KIF26B: variants seen among roughly 807,000 people sequenced by gnomAD.
KIF26B encodes kinesin-like protein KIF26B.
KIF26B carries 63 observed loss-of-function variants against 151.2 expected under a neutral mutation model. That is an observed-to-expected ratio of 0.42 (90% confidence interval 0.34 to 0.51). The LOEUF is 0.51. KIF26B is among the 20% of genes least tolerant of loss of function. KIF26B has a pLI of 0.07. For missense variants in KIF26B, 2,813 were observed against 2,913.6 expected, an observed-to-expected ratio of 0.97 and a Z score of 0.79; for synonymous variants, 1,357 against 1,262.1, an observed-to-expected ratio of 1.08 and a Z score of -1.59.
intron 4 of KIF26B, among the ~76,000 whole-genome samples, chr1:245,530,067 A>T (rs997508571): frequency 6.6e-6 from 1 of 152,234 alleles, no homozygotes; most frequent in African/African-American, 2.4e-5. Flanking sequence ...AGACAGGTAC[A>T]TGAAAAGGTG....
intron 4 of KIF26B, among the ~76,000 whole-genome samples, chr1:245,457,218 T>C (rs1241045725): frequency 2.0e-5 from 3 of 152,200 alleles, no homozygotes; most frequent in Admixed American, 6.5e-5. Context: ...ATAATTGATG[T>C]ACAGTGTTGG....
intron 4 of KIF26B, among the ~76,000 whole-genome samples, chr1:245,445,677 G>T (rs780884127): frequency 1.3e-5 from 2 of 152,170 alleles, no homozygotes; most frequent in Admixed American, 6.5e-5. Flanking sequence ...CCCTCCAGAA[G>T]AATCTAAATG....
intron 2 of KIF26B, among the ~76,000 whole-genome samples, chr1:245,260,574 C>T (rs779687266): frequency 1.3e-5 from 2 of 152,212 alleles, no homozygotes; most frequent in Non-Finnish European, 2.9e-5. Flanking sequence ...ATAGGATTAA[C>T]AACTTTGGAG....
At chr1:245,270,421 T>C (rs1175499212) in intron 2 of KIF26B, among the ~76,000 whole-genome samples, 1 of 151,300 alleles carries the variant, frequency 6.6e-6, no homozygotes, top group African/African-American at 2.4e-5. Flanking sequence ...CCTTTCCCTT[T>C]CCTTTCCTTT....
At chr1:245,582,212 G>A (rs780313120) in intron 5 of KIF26B, among the ~76,000 whole-genome samples, 14 of 152,208 alleles carry the variant, frequency 9.2e-5, no homozygotes, top group Non-Finnish European at 1.9e-4. Context: ...TACACGAGCT[G>A]TGAATTTACC....
intron 2 of KIF26B, among the ~76,000 whole-genome samples, chr1:245,204,231 A>G (rs992843707): frequency 6.6e-6 from 1 of 152,182 alleles, no homozygotes; most frequent in Non-Finnish European, 1.5e-5. Flanking sequence ...ACAAATGAAA[A>G]CGGCACTGGG....
chr1:245,316,367 G>T (rs1018798705), intron 2 of KIF26B, among the ~76,000 whole-genome samples: 1 of 151,868 alleles, frequency 6.6e-6, no homozygotes, highest in Non-Finnish European at 1.5e-5. Flanking sequence ...CAGGTGATCC[G>T]CCTGCCTCGG....
rs757659300 is a variant in KIF26B, at chr1:245,687,993, C to T, written c.5010C>T (p.Gly1670=). The T allele has an allele frequency of 3.1e-5, 49 of 1,572,082 alleles. No homozygotes were observed. The South Asian group carries it at 4.7e-4, about 15-fold the overall frequency. The change falls in exon 12 of 15, where the codon GGC becomes GGT. Residue 1670 remains glycine, a synonymous_variant. Transcript: ENST00000407071. The surrounding 1 kb of genome is among the most constrained non-coding windows in gnomAD (Gnocchi z 4.9). ...TGGCCAGCAGAAGCAACTCGCTGGG[C>T]AGGGCGACAGTCAGCCACTACGAAT... ...EQLASRSNSL[G]RATVSHYECL...
rs113641701 is a variant in KIF26B, at chr1:245,540,525, C to T, written c.1167-242C>T. On this transcript the variant is annotated intron_variant, in intron 4 of 14. Coordinates refer to ENST00000407071, the MANE Select transcript of KIF26B (RefSeq NM_018012.4). This position sits in a 1 kb window ranked among gnomAD's most constrained non-coding sequence, Gnocchi z 4.6. ...GGATAACACATCATTCTTTGTAAAT[C>T]GTGATTGCAGAATCCTGCTATTTTA... 8 of 687,910 alleles carry T rather than the reference C, an allele frequency of 1.2e-5. No homozygotes were observed. Among genetic ancestry groups the T allele is most frequent in the South Asian group, 3.0e-5 (2 of 66,666 alleles). The allele number at this position is 687,910 out of a possible 1,614,324, so 42.6% of individuals were successfully genotyped here. A position where few individuals can be genotyped will look rare whatever the true frequency, so the allele number is the denominator to read the frequency against.
chr1:245,573,338 A>G (rs2043083738), intron 5 of KIF26B, among the ~76,000 whole-genome samples: 1 of 152,180 alleles, frequency 6.6e-6, no homozygotes, highest in South Asian at 2.1e-4. Flanking sequence ...CTTGCCCAAC[A>G]TGACGAAACC....
chr1:245,632,488 T>A (rs1291913341), intron 9 of KIF26B, among the ~76,000 whole-genome samples: 1 of 152,240 alleles, frequency 6.6e-6, no homozygotes, highest in Non-Finnish European at 1.5e-5. Flanking sequence ...AGGTTGTGTA[T>A]TTTGCAGCAC....
At chr1:245,222,756 A>G (rs1480524361) in intron 2 of KIF26B, among the ~76,000 whole-genome samples, 1 of 152,240 alleles carries the variant, frequency 6.6e-6, no homozygotes, top group African/African-American at 2.4e-5. Flanking sequence ...TTTAAAAACA[A>G]TACCCCCAAA....
intron 4 of KIF26B, among the ~76,000 whole-genome samples, chr1:245,514,356 G>A (rs972451994): frequency 2.7e-4 from 41 of 151,884 alleles, no homozygotes; most frequent in African/African-American, 8.9e-4. Context: ...GCAAAACCCC[G>A]TCTCTACTAA....
chr1:245,663,242 T>C (rs1204100278), intron 10 of KIF26B, among the ~76,000 whole-genome samples: 1 of 150,740 alleles, frequency 6.6e-6, no homozygotes, highest in African/African-American at 2.4e-5. Flanking sequence ...CAGACATGAC[T>C]TTCCTCTGCT....
intron 2 of KIF26B, among the ~76,000 whole-genome samples, chr1:245,333,953 C>T (rs1416793504): frequency 3.3e-5 from 5 of 151,744 alleles, no homozygotes; most frequent in South Asian, 2.1e-4. Flanking sequence ...AGCTGAGATC[C>T]GCACCACTGC....
In KIF26B at chr1:245,591,595, C is replaced by T. The variant is rs150757800; in HGVS notation, c.1351-10982C>T. Among the ~76,000 whole-genome samples the T allele has an allele frequency of 7.4e-4, 112 of 152,290 alleles. No homozygotes were observed. In the East Asian group the frequency reaches 0.016, roughly 22 times the overall value. ...TGTGCCCTGTAAGTCGCAGATGGGA[C>T]GCTCTGACAGCGAGTGTCACTGAGG... On this transcript the variant is annotated intron_variant, in intron 5 of 14. Transcript: ENST00000407071.
chr1:245,624,222 C>A (rs1489598501), intron 9 of KIF26B, among the ~76,000 whole-genome samples: 1 of 150,414 alleles, frequency 6.6e-6, no homozygotes, highest in East Asian at 1.9e-4. Flanking sequence ...CATATATTTT[C>A]TTTCCTTTGG....
At chr1:245,448,736 G>C (rs1659304726) in intron 4 of KIF26B, among the ~76,000 whole-genome samples, 1 of 152,204 alleles carries the variant, frequency 6.6e-6, no homozygotes. Context: ...TAGTCATGTA[G>C]ATTTGGGATT....
At chr1:245,383,536 C>G (rs1465573670) in intron 3 of KIF26B, among the ~76,000 whole-genome samples, 1 of 152,142 alleles carries the variant, frequency 6.6e-6, no homozygotes, top group Non-Finnish European at 1.5e-5. Context: ...TGTAAATAGC[C>G]TTTTTGATAG....
Sources: allele counts gnomAD v4.1 joint callset (sites outside exome capture counted in the v4.1 genomes callset), GRCh38; gene constraint gnomAD v4.1.1; non-coding constraint Gnocchi (gnomAD v3.1); transcripts MANE v1.5; gene names NCBI Gene and HGNC (gene_info 2026-07-23, HGNC 2026-07-21).